Variants in FMN1 observed in about 807,000 individuals in gnomAD.
FMN1 encodes formin 1, also known as formin-1.
A neutral mutation model predicts 132.4 loss-of-function variants in FMN1; 110 were observed. The observed-to-expected ratio is 0.83, with a 90% CI of 0.71 to 0.97. FMN1 has a LOEUF of 0.97. FMN1 is among the 50% of genes least tolerant of loss of function. The probability of loss-of-function intolerance (pLI) is 0.00; values close to 1 mark genes in which losing one functional copy is unlikely to be tolerated. For synonymous variants in FMN1, 722 were observed against 651.7 expected (o/e 1.11, Z -1.64); for missense variants, 1,792 against 1,705.3 (o/e 1.05, Z -0.90).
intron 9 of FMN1, among the ~76,000 whole-genome samples, chr15:32,944,914 C>T (rs949296135): frequency 1.4e-4 from 22 of 152,136 alleles, no homozygotes; most frequent in Non-Finnish European, 2.6e-4. Flanking sequence ...GACCAAGAGA[C>T]ATCAGTGCAT....
At chr15:32,900,230 G>T in intron 13 of FMN1, 105 bp from the exon 14 acceptor site, 1 of 1,206,498 alleles carries the variant, frequency 8.3e-7, no homozygotes. Flanking sequence ...CGGGAGGCTT[G>T]GTACCAACAG....
intron 5 of FMN1, among the ~76,000 whole-genome samples, chr15:33,081,581 A>G (rs2038461710): frequency 6.6e-6 from 1 of 152,258 alleles, no homozygotes; most frequent in South Asian, 2.1e-4. Context: ...CTTCTCACTG[A>G]TTATAGGAGC....
chr15:33,018,084 A>T lies in FMN1; in HGVS notation c.2162-10009T>A, dbSNP rs930514173. Among the ~76,000 whole-genome samples, 31 of 123,632 alleles carry T rather than the reference A, an allele frequency of 2.5e-4. No homozygotes were observed. The East Asian group carries it at 4.6e-3, about 18-fold the overall frequency. 81.1% of individuals were successfully genotyped at this position (123,632 alleles called of 152,430 possible). A position where few individuals can be genotyped will look rare whatever the true frequency, so the allele number is the denominator to read the frequency against. ...CCTCTCAAGAAAAAAAAAAAAAAAA[A>T]TTTATATGTTAAAATCCTACCCCCT... On this transcript the variant is annotated intron_variant, in intron 6 of 20. Coordinates refer to ENST00000616417, the MANE Select transcript of FMN1 (RefSeq NM_001277313.2).
At chr15:33,173,607 TTGGTCC>T in intron 3 of FMN1, among the ~76,000 whole-genome samples, 1 of 152,298 alleles carries the variant, frequency 6.6e-6, no homozygotes, top group East Asian at 1.9e-4. Flanking sequence ...GAAAATATGA[TTGGTCC>T]AATTGGTGAG....
Position 32,926,172 on chromosome 15 carries a change from AC to A in FMN1, c.3226+1del. ...AAAACAAAAGTGATAGAAAAGACTT[AC>A]CCTGTTGGATATCCTTCATTTCTAA... On this transcript the variant is annotated splice_donor_variant, in intron 10 of 20. Coordinates refer to ENST00000616417, the MANE Select transcript of FMN1 (RefSeq NM_001277313.2). LOFTEE classifies it high-confidence loss of function. 1 of 1,444,666 alleles carries A rather than the reference AC, an allele frequency of 6.9e-7. No individual in the cohort carries two copies. Among genetic ancestry groups the A allele is most frequent in the African/African-American group, 1.4e-5 (1 of 70,056 alleles). 89.5% of individuals were successfully genotyped at this position (1,444,666 alleles called of 1,614,324 possible). A position where few individuals can be genotyped will look rare whatever the true frequency, so the allele number is the denominator to read the frequency against.
chr15:32,826,628 G>T (rs778020090), intron 17 of FMN1, among the ~76,000 whole-genome samples: 1 of 152,202 alleles, frequency 6.6e-6, no homozygotes, highest in African/African-American at 2.4e-5. Flanking sequence ...GTTTAATCCA[G>T]ACTTCTTGCC....
intron 19 of FMN1, among the ~76,000 whole-genome samples, chr15:32,795,438 G>T (rs1256066049): frequency 6.6e-6 from 1 of 152,170 alleles, no homozygotes; most frequent in Non-Finnish European, 1.5e-5. Context: ...AATTAGAACC[G>T]CAGTTTCTAG....
chr15:33,037,638 G>T (rs2036248283), intron 6 of FMN1, among the ~76,000 whole-genome samples: 1 of 152,204 alleles, frequency 6.6e-6, no homozygotes, highest in Non-Finnish European at 1.5e-5. Flanking sequence ...TTGTAGAAAG[G>T]AGCCAGCCAC....
intron 7 of FMN1, among the ~76,000 whole-genome samples, chr15:32,971,090 C>T (rs773541237): frequency 6.6e-6 from 1 of 152,164 alleles, no homozygotes; most frequent in Non-Finnish European, 1.5e-5. Context: ...AGACAGGGAA[C>T]GCTGTGTCCC....
intron 6 of FMN1, among the ~76,000 whole-genome samples, chr15:33,060,788 C>A (rs1349964): frequency 1.3e-5 from 2 of 152,028 alleles, no homozygotes; most frequent in Admixed American, 1.3e-4. Context: ...TCAGAAAGCA[C>A]GAGTGTTTTT....
In FMN1 at chr15:33,128,750, T is replaced by C. The variant is rs1275818690; in HGVS notation, c.1867+24298A>G. Among the ~76,000 whole-genome samples the C allele has an allele frequency of 2.0e-5, 3 of 152,206 alleles. No individual in the cohort carries two copies. In the East Asian group the frequency reaches 5.8e-4, roughly 29 times the overall value. On this transcript the variant is annotated intron_variant, in intron 4 of 20. Coordinates refer to ENST00000616417, the MANE Select transcript of FMN1 (RefSeq NM_001277313.2). ...GCTCTTAAAGGTGATGTGGTGAATT[T>C]TAAAGCCCTTAAAAGTGGTATGGAC...
At chr15:33,016,560 G>A (rs986215316) in intron 6 of FMN1, among the ~76,000 whole-genome samples, 1 of 152,158 alleles carries the variant, frequency 6.6e-6, no homozygotes, top group African/African-American at 2.4e-5. Flanking sequence ...GTGAAGTAAA[G>A]AGAAAGTAGT....
chr15:33,034,141 C>T, intron 6 of FMN1, among the ~76,000 whole-genome samples: 1 of 152,186 alleles, frequency 6.6e-6, no homozygotes. Context: ...CCCAATGCCA[C>T]ACTCATAAAT....
intron 9 of FMN1, among the ~76,000 whole-genome samples, chr15:32,949,933 C>A (rs2061588170): frequency 1.3e-5 from 1 of 77,870 alleles, no homozygotes; most frequent in African/African-American, 4.0e-5. Context: ...TGCATGAGGC[C>A]AAAAAGCATA....
At chr15:32,843,187 G>C (rs143169678) in intron 17 of FMN1, among the ~76,000 whole-genome samples, 11 of 147,386 alleles carry the variant, frequency 7.5e-5, no homozygotes, top group African/African-American at 2.5e-4. Context: ...TCAGATTTGT[G>C]CAATTCTAAA....
At chr15:33,189,924 C>T (rs188076704) in intron 2 of FMN1, among the ~76,000 whole-genome samples, 31 of 152,288 alleles carry the variant, frequency 2.0e-4, no homozygotes, top group African/African-American at 7.0e-4. Flanking sequence ...CCTGGTGTAA[C>T]GGTGAGAAAT....
intron 4 of FMN1, among the ~76,000 whole-genome samples, chr15:33,131,173 C>T (rs1180511303): frequency 6.6e-6 from 1 of 151,676 alleles, no homozygotes; most frequent in African/African-American, 2.4e-5. Context: ...AATACAAATA[C>T]AAAAAATTAG....
chr15:33,192,681 C>G (rs11638274), intron 2 of FMN1, among the ~76,000 whole-genome samples: 23,930 of 152,116 alleles, frequency 0.16, 2,761 homozygotes, highest in East Asian at 0.55. Context: ...GACTACCATA[C>G]CCCATTTGCA....
At chr15:33,057,163 C>T (rs866475582) in intron 6 of FMN1, among the ~76,000 whole-genome samples, 3 of 152,052 alleles carry the variant, frequency 2.0e-5, no homozygotes, top group South Asian at 2.1e-4. Flanking sequence ...GGTGACAGAG[C>T]GAGACTCCAT....
Sources: gnomAD v4.1 joint callset for allele counts (sites outside exome capture counted in the v4.1 genomes callset) on GRCh38, gnomAD v4.1.1 for gene constraint, MANE v1.5 for transcripts, NCBI Gene and HGNC (gene_info 2026-07-23, HGNC 2026-07-21) for gene names.